Variants in YLPM1 observed in about 807,000 individuals in gnomAD.
The protein encoded by YLPM1 is YLP motif containing 1.
A neutral mutation model predicts 230.0 loss-of-function variants in YLPM1; 99 were observed. The observed-to-expected ratio is 0.43, with a 90% CI of 0.37 to 0.51. The LOEUF is 0.51. Ranked by LOEUF, YLPM1 falls within the 20% of genes least tolerant of loss-of-function variation. The pLI, the probability that YLPM1 is intolerant of heterozygous loss-of-function variation, is 0.00. For synonymous variants in YLPM1, 984 were observed against 942.5 expected (o/e 1.04, Z -0.81); for missense variants, 2,592 against 2,707.7 (o/e 0.96, Z 0.95).
At chr14:74,769,808 A>G (rs536402761) in intron 1 of YLPM1, among the ~76,000 whole-genome samples, 4 of 150,072 alleles carry the variant, frequency 2.7e-5, no homozygotes, top group Non-Finnish European at 4.4e-5. Context: ...TGGGCTCATT[A>G]GAGGCCGGGA....
intron 18 of YLPM1, among the ~76,000 whole-genome samples, chr14:74,825,561 A>T (rs1216062743): frequency 6.6e-6 from 1 of 152,160 alleles, no homozygotes; most frequent in Non-Finnish European, 1.5e-5. Context: ...GGAAAATAAA[A>T]ATTACAAAAT....
chr14:74,830,487 A>G (rs1476276621), intron 19 of YLPM1, among the ~76,000 whole-genome samples: 1 of 152,204 alleles, frequency 6.6e-6, no homozygotes, highest in Non-Finnish European at 1.5e-5. Context: ...CAGAACTACC[A>G]TTCTTTTTAA....
chr14:74,763,553 C>T lies in YLPM1; in HGVS notation c.64C>T (p.Pro22Ser), dbSNP rs1352409336. The change falls in exon 1 of 21, where the codon CCG (proline) becomes TCG (serine). Residue 22 changes from proline (P) to serine (S), a missense_variant. Around this residue, in one of 4 missense-constraint regions of YLPM1, gnomAD observed 1,862 missense variants for 1,819.8 expected, o/e 1.02. Transcript: ENST00000325680. ...CTATCCGCCGCCACCGGTCCCACCG[C>T]CGCCGCCAGTGGCGCTTCCTGAGGC... The part of the protein sequence containing the change: ...SHYPPPPVPP[P>S]PPVALPEASP... 1 of 1,548,934 alleles carries T rather than the reference C, an allele frequency of 6.5e-7. No individual in the cohort carries two copies. Among genetic ancestry groups the T allele is most frequent in the Admixed American group, 1.9e-5 (1 of 52,938 alleles).
chr14:74,799,320 A>G lies in YLPM1; in HGVS notation c.4023A>G (p.Pro1341=). Residue 1341 remains proline, a synonymous_variant, in exon 5 of 21, where the codon CCA becomes CCG. Coordinates refer to ENST00000325680, the MANE Select transcript of YLPM1 (RefSeq NM_019589.3). ...LPPLPPLPPL[P]PLDRYRDDRW... ...CTTTACCGCCCCTCCCACCTCTTCC[A>G]CCTTTGGATAGATATCGGGATGATA... 6.2e-7 allele frequency: 1 copy of G among 1,613,960 alleles called. No individual in the cohort carries two copies. Among genetic ancestry groups the G allele is most frequent in the Non-Finnish European group, 8.5e-7 (1 of 1,179,872 alleles).
intron 4 of YLPM1, among the ~76,000 whole-genome samples, chr14:74,792,120 C>T (rs566483132): frequency 3.9e-5 from 6 of 152,220 alleles, no homozygotes; most frequent in African/African-American, 9.6e-5. Context: ...AGCCCTAAAG[C>T]GGCATACTTT....
intron 10 of YLPM1, among the ~76,000 whole-genome samples, chr14:74,811,986 G>T (rs887816477): frequency 6.6e-6 from 1 of 152,190 alleles, no homozygotes; most frequent in Non-Finnish European, 1.5e-5. Context: ...TAATTTTGTA[G>T]CTTTCCTCTC....
chr14:74,790,033 A>G (rs565265606), intron 4 of YLPM1, among the ~76,000 whole-genome samples: 1 of 151,904 alleles, frequency 6.6e-6, no homozygotes, highest in African/African-American at 2.4e-5. Context: ...GATTATTCTT[A>G]TTAGAATCAG....
At chr14:74,802,085 G>A (rs1276980923) in intron 5 of YLPM1, among the ~76,000 whole-genome samples, 2 of 152,054 alleles carry the variant, frequency 1.3e-5, no homozygotes, top group African/African-American at 2.4e-5. Context: ...GGGCGCGGTG[G>A]TGCATGCCTG....
At position 74,798,709 on chromosome 14, in the gene YLPM1, A is replaced by C; in HGVS notation, c.3412A>C (p.Arg1138=). The change falls in exon 5 of 21, where the codon AGA becomes CGA. Residue 1138 remains arginine (R), a synonymous_variant. Transcript: ENST00000325680. ...GAGTAGAGAGAGAATACCACCCCGA[A>C]GAGCTGGGAGCAGGGAGAGAGGACC... ...AGSRERIPPR[R]AGSRERGPPR... is the part of the protein sequence containing the mutation. 6.2e-7 allele frequency: 1 copy of C among 1,612,214 alleles called. No homozygotes were observed. Among genetic ancestry groups the C allele is most frequent in the Non-Finnish European group, 8.5e-7 (1 of 1,178,800 alleles).
chr14:74,803,246 G>T (rs2091345533), intron 6 of YLPM1, among the ~76,000 whole-genome samples: 1 of 152,142 alleles, frequency 6.6e-6, no homozygotes, highest in Admixed American at 6.5e-5. Flanking sequence ...GTATGAAAAG[G>T]GGTGTTTATG....
chr14:74,763,900 T>G lies in YLPM1; in HGVS notation c.411T>G (p.Gly137=). ...MLHHQRDGPP[G]LVPMELESPP... ...ACCACCAACGAGACGGGCCTCCTGGTTTGGTTCCAATGGAGCTGGAATCCC... is the reference window on the plus strand; with the variant it reads ...ACCACCAACGAGACGGGCCTCCTGGGTTGGTTCCAATGGAGCTGGAATCCC... The change falls in exon 1 of 21, where the codon GGT becomes GGG. Residue 137 remains glycine (G), a synonymous_variant. Coordinates refer to ENST00000325680, the MANE Select transcript of YLPM1 (RefSeq NM_019589.3). 1 of 1,557,820 alleles carries G rather than the reference T, an allele frequency of 6.4e-7. No homozygotes were observed. The highest frequency in any genetic ancestry group is 8.7e-7 in the Non-Finnish European group (1 of 1,152,908).
At chr14:74,796,182 A>T (rs1367480019) in intron 4 of YLPM1, among the ~76,000 whole-genome samples, 1 of 152,238 alleles carries the variant, frequency 6.6e-6, no homozygotes, top group Non-Finnish European at 1.5e-5. Context: ...TCTCTGCCAC[A>T]TGAGGCATAC....
At position 74,812,722 on chromosome 14, in the gene YLPM1, T is replaced by C. The variant is rs772899758; in HGVS notation, c.5442T>C (p.Pro1814=). 1 of 1,613,550 alleles carries C rather than the reference T, an allele frequency of 6.2e-7. No homozygotes were observed. Among genetic ancestry groups the C allele is most frequent in the Non-Finnish European group, 8.5e-7 (1 of 1,179,692 alleles). The change falls in exon 11 of 21, where the codon CCT becomes CCC. Residue 1814 remains proline, a synonymous_variant. Coordinates refer to ENST00000325680, the MANE Select transcript of YLPM1 (RefSeq NM_019589.3). ...CAGCTCCACGAGTCGAGAAGAAGCC[T>C]GAATCAAAGAATGTGGACGATATTT... is the stretch of plus-strand genomic sequence containing the variant. ...PPPAPRVEKK[P]ESKNVDDILK...
At position 74,798,867 on chromosome 14, in the gene YLPM1, G is replaced by A. The variant is rs763609674; in HGVS notation, c.3570G>A (p.Arg1190=). 1.9e-5 allele frequency: 30 copies of A among 1,613,760 alleles called. No homozygotes were observed. In the African/African-American group the frequency reaches 3.6e-4, roughly 19 times the overall value. Residue 1190 remains arginine, a synonymous_variant, in exon 5 of 21, where the codon AGG becomes AGA. Coordinates refer to ENST00000325680, the MANE Select transcript of YLPM1 (RefSeq NM_019589.3). ...CATATCACCGGGATGAGCCTCCTAG[G>A]GCTCCATGGAACCATGGAGAAGAGC... is the stretch of plus-strand genomic sequence containing the variant. ...MYPYHRDEPP[R]APWNHGEERG...
intron 1 of YLPM1, among the ~76,000 whole-genome samples, chr14:74,773,350 G>T (rs2090998509): frequency 6.6e-6 from 1 of 150,890 alleles, no homozygotes; most frequent in Admixed American, 6.6e-5. Flanking sequence ...AAGTACTTCA[G>T]CCCTTAACAA....
rs1566743148 is a variant in YLPM1, at chr14:74,782,182, A to G, written c.2139A>G (p.Ser713=). The change falls in exon 4 of 21, where the codon TCA becomes TCG. Residue 713 remains serine (S), a synonymous_variant. Transcript: ENST00000325680. ...GCAAGTCTGCTCTGCCATACAGTTC[A>G]TTCTCATCTGATCAAGGACTTGGGG... The part of the protein sequence containing the change: ...PLSKSALPYS[S]FSSDQGLGES... 1.2e-6 allele frequency: 2 copies of G among 1,610,440 alleles called. No homozygotes were observed. The highest frequency in any genetic ancestry group is 8.5e-7 in the Non-Finnish European group (1 of 1,179,782).
intron 18 of YLPM1, among the ~76,000 whole-genome samples, chr14:74,824,912 T>C (rs2091550766): frequency 2.0e-5 from 3 of 152,260 alleles, no homozygotes; most frequent in African/African-American, 4.8e-5. Context: ...TGTGAAGTTA[T>C]CTGTCAAACA....
At chr14:74,770,094 A>C (rs1301400409) in intron 1 of YLPM1, among the ~76,000 whole-genome samples, 2 of 151,306 alleles carry the variant, frequency 1.3e-5, no homozygotes, top group Non-Finnish European at 1.5e-5. Flanking sequence ...AGGCAGGAGA[A>C]TGGTGTGAAC....
chr14:74,768,068 A>G (rs1438148144), intron 1 of YLPM1, among the ~76,000 whole-genome samples: 1 of 149,730 alleles, frequency 6.7e-6, no homozygotes, highest in Non-Finnish European at 1.5e-5. Context: ...CAACCTGGTG[A>G]TTTTTTTTTT....
Sources: gnomAD v4.1 joint callset for allele counts (sites outside exome capture counted in the v4.1 genomes callset) on GRCh38, gnomAD v4.1.1 for gene constraint, gnomAD v4.1.1 regional missense constraint, MANE v1.5 for transcripts, NCBI Gene and HGNC (gene_info 2026-07-23, HGNC 2026-07-21) for gene names.